Variants in NRCAM observed in about 807,000 individuals in gnomAD.
NRCAM encodes the protein neuronal cell adhesion molecule.
In NRCAM, 83 loss-of-function variants were observed where a neutral mutation model predicts 156.5. The observed-to-expected ratio is 0.53, with a 90% CI of 0.44 to 0.64. The LOEUF (loss-of-function observed/expected upper bound fraction) is 0.64, where lower values mean the gene tolerates loss of function less well. Ranked by LOEUF, NRCAM falls within the 30% of genes least tolerant of loss-of-function variation. The pLI is 0.00. For missense variants in NRCAM, 1,417 were observed against 1,597.3 expected, an observed-to-expected ratio of 0.89 and a Z score of 1.92; for synonymous variants, 538 against 563.9, an observed-to-expected ratio of 0.95 and a Z score of 0.65.
intron 2 of NRCAM, among the ~76,000 whole-genome samples, chr7:108,382,498 A>G (rs1045345610): frequency 5.3e-5 from 8 of 152,028 alleles, no homozygotes; most frequent in Non-Finnish European, 8.8e-5. Context: ...AGTCCCAGCT[A>G]CTTGGAAGGC....
chr7:108,150,465 T>TTC (rs2040669621), intron 32 of NRCAM, among the ~76,000 whole-genome samples: 1 of 152,156 alleles, frequency 6.6e-6, no homozygotes, highest in Admixed American at 6.5e-5. Flanking sequence ...TTCAGAAAAG[T>TTC]AGAAAAATCA....
intron 3 of NRCAM, among the ~76,000 whole-genome samples, chr7:108,249,603 T>C (rs1589955715): frequency 6.6e-6 from 1 of 152,200 alleles, no homozygotes; most frequent in African/African-American, 2.4e-5. Context: ...GCATTTAGAA[T>C]ATAAATCAGT....
intron 11 of NRCAM, among the ~76,000 whole-genome samples, chr7:108,218,490 T>C (rs1373057900): frequency 6.6e-6 from 1 of 151,742 alleles, no homozygotes; most frequent in Non-Finnish European, 1.5e-5. Flanking sequence ...TTTAAGAAAA[T>C]TGAAATTATA....
rs1454585640 is a variant in NRCAM at position 108,249,501 on chromosome 7, T to C, written c.-106-9331A>G. Among the ~76,000 whole-genome samples, 3 of 152,212 alleles carry C rather than the reference T, an allele frequency of 2.0e-5. No individual in the cohort carries two copies. In the East Asian group the frequency reaches 5.8e-4, roughly 29 times the overall value. ...ATTTTCTTTATACAGGCTATGTGAA[T>C]ATCTGCCTTTATAAAAAAAAATAAT... On this transcript the variant is annotated intron_variant, in intron 3 of 32. Coordinates refer to ENST00000379028, the MANE Select transcript of NRCAM (RefSeq NM_001037132.4).
At chr7:108,455,113 G>A (rs1478981429) in intron 1 of NRCAM, among the ~76,000 whole-genome samples, 1 of 152,152 alleles carries the variant, frequency 6.6e-6, no homozygotes, top group Non-Finnish European at 1.5e-5. Context: ...CCAGCCCCGG[G>A]GCCCGGGGAG....
At chr7:108,420,274 C>T (rs1230475225) in intron 1 of NRCAM, among the ~76,000 whole-genome samples, 1 of 152,084 alleles carries the variant, frequency 6.6e-6, no homozygotes, top group Non-Finnish European at 1.5e-5. Flanking sequence ...TTTTCAGACA[C>T]ACACAAATCC....
At chr7:108,190,329 G>C (rs113424564) in intron 19 of NRCAM, among the ~76,000 whole-genome samples, 1 of 152,128 alleles carries the variant, frequency 6.6e-6, no homozygotes, top group Non-Finnish European at 1.5e-5. Flanking sequence ...GACACATGTC[G>C]AGATGAAGGT....
At chr7:108,374,818 G>A (rs973439238) in intron 2 of NRCAM, among the ~76,000 whole-genome samples, 1 of 152,066 alleles carries the variant, frequency 6.6e-6, no homozygotes, top group African/African-American at 2.4e-5. Context: ...TCAATGATTA[G>A]GGAGAGCTCA....
At chr7:108,402,809 C>G (rs1209912067) in intron 1 of NRCAM, among the ~76,000 whole-genome samples, 1 of 152,190 alleles carries the variant, frequency 6.6e-6, no homozygotes, top group African/African-American at 2.4e-5. Flanking sequence ...GTGGATGACC[C>G]AGGAGGTAGG....
chr7:108,361,481 G>C (rs1385607963), intron 2 of NRCAM, among the ~76,000 whole-genome samples: 1 of 152,170 alleles, frequency 6.6e-6, no homozygotes, highest in Non-Finnish European at 1.5e-5. Context: ...TGAACAAAGA[G>C]GCTGACCCTC....
chr7:108,439,789 C>A (rs745920495), intron 1 of NRCAM, among the ~76,000 whole-genome samples: 8 of 143,206 alleles, frequency 5.6e-5, no homozygotes, highest in Non-Finnish European at 1.0e-4. Context: ...GCCGAGATTG[C>A]GCCATTGCAC....
chr7:108,234,597 C>T lies in NRCAM; in HGVS notation c.216G>A (p.Gly72=). The change falls in exon 6 of 33, where the codon GGG becomes GGA. Residue 72 remains glycine (G), a synonymous_variant. Coordinates refer to ENST00000379028, the MANE Select transcript of NRCAM (RefSeq NM_001037132.4). ...TGCACACTCACCTTGGGGGCGGTTT[C>T]CCTTTGGCTTCACACTGGATTACAA... ...ENIVIQCEAK[G]KPPPSFSWTR... 1 of 1,607,838 alleles carries T rather than the reference C, an allele frequency of 6.2e-7. No homozygotes were observed.
chr7:108,273,450 T>A (rs2097454511), intron 3 of NRCAM, among the ~76,000 whole-genome samples: 1 of 152,240 alleles, frequency 6.6e-6, no homozygotes, highest in Non-Finnish European at 1.5e-5. Context: ...CTAACTGGTG[T>A]GAGATGGTAT....
intron 2 of NRCAM, among the ~76,000 whole-genome samples, chr7:108,384,379 T>C (rs1258776689): frequency 6.6e-6 from 1 of 151,712 alleles, no homozygotes; most frequent in Non-Finnish European, 1.5e-5. Flanking sequence ...AATAAAGAAT[T>C]GTTGAAGGGC....
At chr7:108,287,930 C>T (rs1043843064) in intron 3 of NRCAM, among the ~76,000 whole-genome samples, 2 of 152,060 alleles carry the variant, frequency 1.3e-5, no homozygotes, top group Non-Finnish European at 2.9e-5. Flanking sequence ...ATATTTATCA[C>T]AGCACTATTC....
intron 32 of NRCAM, among the ~76,000 whole-genome samples, chr7:108,152,874 G>C (rs1438390564): frequency 6.6e-6 from 1 of 152,184 alleles, no homozygotes; most frequent in Admixed American, 6.5e-5. Context: ...AAAATGCTCA[G>C]ATTATGAACA....
At chr7:108,451,969 A>T (rs1391753108) in intron 1 of NRCAM, among the ~76,000 whole-genome samples, 1 of 152,236 alleles carries the variant, frequency 6.6e-6, no homozygotes, top group Admixed American at 6.5e-5. Flanking sequence ...ATATTTTACA[A>T]TAAAAAACTT....
chr7:108,425,994 AT>A (rs1816804894), intron 1 of NRCAM, among the ~76,000 whole-genome samples: 1 of 152,202 alleles, frequency 6.6e-6, no homozygotes, highest in African/African-American at 2.4e-5. Context: ...TGAGAAAGGA[AT>A]TTTTTTAATG....
chr7:108,401,880 A>C (rs994519323), intron 1 of NRCAM, among the ~76,000 whole-genome samples: 1 of 152,202 alleles, frequency 6.6e-6, no homozygotes, highest in African/African-American at 2.4e-5. Flanking sequence ...CTCACACTGG[A>C]AAGTGGAAAC....
Sources: allele counts gnomAD v4.1 joint callset (sites outside exome capture counted in the v4.1 genomes callset), GRCh38; gene constraint gnomAD v4.1.1; transcripts MANE v1.5; gene names NCBI Gene and HGNC (gene_info 2026-07-23, HGNC 2026-07-21).